SAMMSON: variants seen among roughly 807,000 people sequenced by gnomAD.
SAMMSON encodes the protein long intergenic non-protein coding RNA 1212.
chr3:70,376,245 A>G (rs550832280), intron 9 of SAMMSON, among the ~76,000 whole-genome samples: 3 of 152,278 alleles, frequency 2.0e-5, no homozygotes, highest in Non-Finnish European at 4.4e-5. Context: ...TTCACGGAAA[A>G]TTTCCTTTGA....
rs79327577 is a variant in SAMMSON, at chr3:70,132,770, TA to T, written n.507+61219del. On this transcript the variant is annotated intron_variant and non_coding_transcript_variant, in intron 4 of 9. Coordinates refer to ENST00000642114, the Ensembl canonical transcript of SAMMSON. The stretch of plus-strand genomic sequence containing the variant: ...CAGCCTGGGCAACACGATGAGACCC[TA>T]AAAAAAAAAAAAAGAAAAGAAAAAA... Among the ~76,000 whole-genome samples, 865 of 93,322 alleles carry T rather than the reference TA, an allele frequency of 9.3e-3. 12 individuals carry two copies. Among genetic ancestry groups the T allele is most frequent in the African/African-American group, 0.029 (713 of 24,326 alleles). The allele number at this position is 93,322 out of a possible 152,430, so 61.2% of individuals were successfully genotyped here.
chr3:70,281,032 T>G (rs549767045), intron 6 of SAMMSON, among the ~76,000 whole-genome samples: 1 of 152,314 alleles, frequency 6.6e-6, no homozygotes, highest in African/African-American at 2.4e-5. Flanking sequence ...CTTTGTATCT[T>G]TGGGTCTTCA....
intron 7 of SAMMSON, among the ~76,000 whole-genome samples, chr3:70,298,696 C>T (rs78623173): frequency 0.023 from 3,424 of 152,084 alleles, 82 homozygotes; most frequent in South Asian, 0.079. Flanking sequence ...TTGACTTGCC[C>T]AAACTTTTCC....
intron 3 of SAMMSON, among the ~76,000 whole-genome samples, chr3:70,023,650 T>C (rs2107581502): frequency 6.6e-6 from 1 of 152,268 alleles, no homozygotes; most frequent in Middle Eastern, 3.4e-3. Flanking sequence ...CTCCTCCTAC[T>C]TCTCCTTGAT....
chr3:70,025,075 A>G (rs2067032245), intron 3 of SAMMSON: 1 of 152,136 alleles, frequency 6.6e-6, no homozygotes. Context: ...AGGGCATGTT[A>G]TTTTATGATA....
At chr3:70,041,927 C>G (rs1044651460) in intron 3 of SAMMSON, among the ~76,000 whole-genome samples, 1 of 152,010 alleles carries the variant, frequency 6.6e-6, no homozygotes, top group Non-Finnish European at 1.5e-5. Context: ...TGTTTGCAAT[C>G]CATGAGGCTG....
chr3:70,098,926 C>G (rs780138451), intron 4 of SAMMSON, among the ~76,000 whole-genome samples: 4 of 152,162 alleles, frequency 2.6e-5, no homozygotes, highest in Non-Finnish European at 4.4e-5. Flanking sequence ...GATTATTACA[C>G]CGCATGTTTT....
intron 3 of SAMMSON, chr3:70,014,951 A>G (rs1331077851): frequency 6.6e-6 from 1 of 152,170 alleles, no homozygotes; most frequent in Non-Finnish European, 1.5e-5. Context: ...TTACCAATCA[A>G]CATAAGTTAA....
At chr3:70,085,720 T>C (rs1394300003) in intron 4 of SAMMSON, among the ~76,000 whole-genome samples, 1 of 152,218 alleles carries the variant, frequency 6.6e-6, no homozygotes, top group Non-Finnish European at 1.5e-5. Flanking sequence ...TAGACTCAGT[T>C]TAAACACAAA....
intron 4 of SAMMSON, chr3:70,137,458 G>T (rs2067510546): frequency 6.6e-6 from 1 of 152,236 alleles, no homozygotes; most frequent in African/African-American, 2.4e-5. Flanking sequence ...ACATGAAATT[G>T]AAATCACAGT....
chr3:70,208,427 T>G (rs1701311554), intron 4 of SAMMSON, among the ~76,000 whole-genome samples: 1 of 152,218 alleles, frequency 6.6e-6, no homozygotes, highest in East Asian at 1.9e-4. Context: ...AAATGTCTAG[T>G]GGGTTCTGCT....
intron 6 of SAMMSON, among the ~76,000 whole-genome samples, chr3:70,261,694 G>A (rs1192802685): frequency 6.6e-6 from 1 of 152,148 alleles, no homozygotes; most frequent in East Asian, 1.9e-4. Flanking sequence ...AGAATGCCAA[G>A]TTATCTTGCA....
intron 8 of SAMMSON, among the ~76,000 whole-genome samples, chr3:70,356,238 A>C (rs968396369): frequency 6.6e-6 from 1 of 152,148 alleles, no homozygotes; most frequent in African/African-American, 2.4e-5. Context: ...GTATACATTC[A>C]TTTCAGAAAA....
At chr3:70,386,358 T>C (rs1703122854) in intron 9 of SAMMSON, among the ~76,000 whole-genome samples, 1 of 152,078 alleles carries the variant, frequency 6.6e-6, no homozygotes, top group African/African-American at 2.4e-5. Context: ...AGAAATGAGA[T>C]GACTAGAGAC....
intron 6 of SAMMSON, among the ~76,000 whole-genome samples, chr3:70,267,770 C>T (rs1701934326): frequency 6.6e-6 from 1 of 151,800 alleles, no homozygotes; most frequent in African/African-American, 2.4e-5. Context: ...GATAAAGGGT[C>T]TTCACTGGAT....
chr3:70,415,143 T>C (rs976338386), intron 2 of SAMMSON, among the ~76,000 whole-genome samples: 3 of 152,142 alleles, frequency 2.0e-5, no homozygotes, highest in Non-Finnish European at 2.9e-5. Flanking sequence ...CCCCCTTCCA[T>C]TGTGTAAAAC....
At chr3:70,424,736 C>G (rs983676753) in intron 2 of SAMMSON, 5 of 152,126 alleles carry the variant, frequency 3.3e-5, no homozygotes, top group Non-Finnish European at 5.9e-5. Context: ...GTAAAGCAGG[C>G]TTTGTCTATT....
At chr3:70,184,625 T>A (rs922513977) in intron 4 of SAMMSON, among the ~76,000 whole-genome samples, 1 of 152,208 alleles carries the variant, frequency 6.6e-6, no homozygotes, top group Non-Finnish European at 1.5e-5. Flanking sequence ...ACTGATTAGA[T>A]TTTTAGACAA....
intron 4 of SAMMSON, among the ~76,000 whole-genome samples, chr3:70,137,264 G>T (rs1163339663): frequency 2.0e-5 from 3 of 152,168 alleles, no homozygotes; most frequent in Non-Finnish European, 4.4e-5. Flanking sequence ...GTATAGTACA[G>T]ATAGGTCTAA....
Sources: gnomAD v4.1 joint callset for allele counts (sites outside exome capture counted in the v4.1 genomes callset) on GRCh38, gnomAD v4.1.1 for gene constraint, MANE v1.5 for transcripts, NCBI Gene and HGNC (gene_info 2026-07-23, HGNC 2026-07-21) for gene names.